The following ACBD6 variants were observed in gnomAD, a reference collection of about 807,000 sequenced individuals.
The protein encoded by ACBD6 is acyl-CoA-binding domain-containing protein 6.
In ACBD6, 28 loss-of-function variants were observed where a neutral mutation model predicts 37.2. The observed-to-expected ratio is 0.75, with a 90% CI of 0.56 to 1.03. ACBD6 has a LOEUF of 1.03. ACBD6 is among the 50% of genes least tolerant of loss of function. The pLI, the probability that ACBD6 is intolerant of heterozygous loss-of-function variation, is 0.00. For synonymous variants in ACBD6, 113 were observed against 126.8 expected (o/e 0.89, Z 0.73); for missense variants, 340 against 337.4 (o/e 1.01, Z -0.06).
intron 7 of ACBD6, among the ~76,000 whole-genome samples, chr1:180,290,338 T>C (rs941910404): frequency 6.6e-6 from 1 of 152,148 alleles, no homozygotes; most frequent in African/African-American, 2.4e-5. Flanking sequence ...TATATAGGTG[T>C]GTGCTACCAT....
At chr1:180,467,983 G>A (rs186347790) in intron 3 of ACBD6, among the ~76,000 whole-genome samples, 1 of 152,246 alleles carries the variant, frequency 6.6e-6, no homozygotes, top group East Asian at 1.9e-4. Flanking sequence ...CCCAAGCTAA[G>A]GAATTCTTGG....
chr1:180,396,450 A>AG (rs1654263857), intron 6 of ACBD6, among the ~76,000 whole-genome samples: 1 of 152,158 alleles, frequency 6.6e-6, no homozygotes, highest in Non-Finnish European at 1.5e-5. Flanking sequence ...CAAATGATAG[A>AG]GTTCATCAAA....
intron 7 of ACBD6, among the ~76,000 whole-genome samples, chr1:180,306,251 T>TA (rs553145187): frequency 0.029 from 4,207 of 144,152 alleles, 173 homozygotes; most frequent in African/African-American, 0.097. Flanking sequence ...AGTATAATAA[T>TA]AAAAAAAAAA....
intron 7 of ACBD6, among the ~76,000 whole-genome samples, chr1:180,309,560 G>A (rs1650509107): frequency 6.6e-6 from 1 of 152,184 alleles, no homozygotes. Context: ...ATGAAAGAAG[G>A]AATAAGGGGA....
chr1:180,483,516 C>A (rs966170284), intron 3 of ACBD6, among the ~76,000 whole-genome samples: 9 of 152,060 alleles, frequency 5.9e-5, no homozygotes, highest in South Asian at 2.1e-4. Flanking sequence ...AAATCCCCAG[C>A]CCCTAGAACT....
intron 6 of ACBD6, among the ~76,000 whole-genome samples, chr1:180,342,809 A>C (rs1652029598): frequency 6.6e-6 from 1 of 152,084 alleles, no homozygotes; most frequent in Non-Finnish European, 1.5e-5. Context: ...AAAATATATT[A>C]CAAAGAATAA....
intron 6 of ACBD6, among the ~76,000 whole-genome samples, chr1:180,364,736 C>CTT (rs10646954): frequency 0.15 from 20,852 of 140,816 alleles, 2,446 homozygotes; most frequent in East Asian, 0.37. Flanking sequence ...TCCTTTCTAT[C>CTT]TTTTTTTTTT....
chr1:180,271,584 G>T, exon 14 of ACBD6: 1 of 1,605,778 alleles, frequency 6.2e-7, no homozygotes, highest in Non-Finnish European at 8.5e-7. Context: ...GCCCGGGACA[G>T]GGGTGGAAGG....
intron 6 of ACBD6, among the ~76,000 whole-genome samples, chr1:180,328,905 G>A (rs1272292132): frequency 1.3e-5 from 2 of 151,816 alleles, no homozygotes; most frequent in Admixed American, 1.3e-4. Flanking sequence ...TTTCTTTCTA[G>A]GAAACAATGT....
intron 6 of ACBD6, among the ~76,000 whole-genome samples, chr1:180,371,197 A>G (rs971911672): frequency 6.6e-6 from 1 of 152,028 alleles, no homozygotes; most frequent in African/African-American, 2.4e-5. Context: ...GAAAAAAGAG[A>G]TCAAATATAT....
At chr1:180,449,354 C>T (rs1157178517) in intron 3 of ACBD6, among the ~76,000 whole-genome samples, 1 of 151,876 alleles carries the variant, frequency 6.6e-6, no homozygotes, top group Non-Finnish European at 1.5e-5. Flanking sequence ...ACTAAATGTG[C>T]AAGCAACCCA....
At chr1:180,305,189 G>A (rs1650302948) in intron 7 of ACBD6, among the ~76,000 whole-genome samples, 2 of 152,130 alleles carry the variant, frequency 1.3e-5, no homozygotes, top group African/African-American at 4.8e-5. Flanking sequence ...ATAGGCATGG[G>A]CAAGGACTTC....
At chr1:180,393,174 A>C (rs1654138673) in intron 6 of ACBD6, among the ~76,000 whole-genome samples, 1 of 152,204 alleles carries the variant, frequency 6.6e-6, no homozygotes, top group African/African-American at 2.4e-5. Context: ...ATTAAAAATC[A>C]ATACCAAGCA....
intron 6 of ACBD6, among the ~76,000 whole-genome samples, chr1:180,368,069 TTAA>T (rs1653117370): frequency 6.6e-6 from 1 of 152,226 alleles, no homozygotes; most frequent in Non-Finnish European, 1.5e-5. Flanking sequence ...TTTTGACTTT[TTAA>T]TAATAGCTAT....
chr1:180,458,626 C>A (rs1639136005), intron 3 of ACBD6, among the ~76,000 whole-genome samples: 1 of 151,912 alleles, frequency 6.6e-6, no homozygotes, highest in South Asian at 2.1e-4. Flanking sequence ...TAGGTAGGAA[C>A]AGTAATAAAG....
intron 7 of ACBD6, among the ~76,000 whole-genome samples, chr1:180,305,112 A>C (rs2149286016): frequency 6.6e-6 from 1 of 152,366 alleles, no homozygotes; most frequent in East Asian, 1.9e-4. Context: ...GATGGATTAA[A>C]GACTTAAATG....
At position 180,380,417 on chromosome 1, in the gene ACBD6, GAT is replaced by G. The variant is rs375109402; in HGVS notation, c.663+17097_663+17098del. ...CTTACAGGCCAGGAGAGAATTGGATGATATATTCAAAGTCCTGAAGGAAAAAA... is the reference window on the plus strand; with the variant it reads ...CTTACAGGCCAGGAGAGAATTGGATGATATTCAAAGTCCTGAAGGAAAAAA... On this transcript the variant is annotated intron_variant, in intron 6 of 7. Transcript: ENST00000367595. Among the ~76,000 whole-genome samples the G allele has an allele frequency of 2.2e-4, 34 of 152,096 alleles. No individual in the cohort carries two copies. In the East Asian group the frequency reaches 6.2e-3, roughly 28 times the overall value.
intron 6 of ACBD6, among the ~76,000 whole-genome samples, chr1:180,357,115 T>G (rs1652660048): frequency 6.6e-6 from 1 of 152,242 alleles, no homozygotes; most frequent in African/African-American, 2.4e-5. Context: ...TCCACAGATC[T>G]TTCTTGATTC....
intron 6 of ACBD6, among the ~76,000 whole-genome samples, chr1:180,358,262 A>T (rs539522889): frequency 1.8e-4 from 27 of 152,286 alleles, no homozygotes; most frequent in Admixed American, 2.6e-4. Flanking sequence ...CCCTGTCTCT[A>T]CTAAAAATAC....
Sources: allele counts gnomAD v4.1 joint callset (sites outside exome capture counted in the v4.1 genomes callset), GRCh38; gene constraint gnomAD v4.1.1; transcripts MANE v1.5; gene names NCBI Gene and HGNC (gene_info 2026-07-23, HGNC 2026-07-21).